Variants in NHSL1 observed in about 807,000 individuals in gnomAD.
NHSL1 encodes the protein NHS-like protein 1.
Under a neutral mutation model 95.0 loss-of-function variants are expected in NHSL1, and 48 were observed. That is an observed-to-expected ratio of 0.51 (90% confidence interval 0.40 to 0.64). The LOEUF (loss-of-function observed/expected upper bound fraction) is 0.64, where lower values mean the gene tolerates loss of function less well. Ranked by LOEUF, NHSL1 falls within the 30% of genes least tolerant of loss-of-function variation. The pLI, the probability that NHSL1 is intolerant of heterozygous loss-of-function variation, is 0.00. For synonymous variants in NHSL1, 783 were observed against 833.9 expected, an observed-to-expected ratio of 0.94 and a Z score of 1.05; for missense variants, 1,971 against 2,077.7, an observed-to-expected ratio of 0.95 and a Z score of 1.00.
intron 1 of NHSL1, chr6:138,691,820 G>GATGA: frequency 2.2e-6 from 1 of 445,634 alleles, no homozygotes; most frequent in South Asian, 1.6e-5. Flanking sequence ...GCCGGACAAA[G>GATGA]ATGAATGGGA....
At chr6:138,515,158 G>A (rs1781407192) in intron 1 of NHSL1, among the ~76,000 whole-genome samples, 1 of 152,038 alleles carries the variant, frequency 6.6e-6, no homozygotes, top group Admixed American at 6.6e-5. Flanking sequence ...CAAAACTTAT[G>A]TATTATTATT....
intron 1 of NHSL1, among the ~76,000 whole-genome samples, chr6:138,657,216 A>G (rs895940438): frequency 3.3e-5 from 5 of 152,178 alleles, no homozygotes; most frequent in African/African-American, 1.2e-4. Context: ...GCAGCTGCTC[A>G]ACAATGTCAT....
At position 138,482,902 on chromosome 6, in the gene NHSL1, T is replaced by A. The variant is rs76987748; in HGVS notation, c.212-9469A>T. Among the ~76,000 whole-genome samples the A allele has an allele frequency of 5.0e-4, 76 of 152,298 alleles. 1 individual carries two copies. In the East Asian group the frequency reaches 0.014, roughly 29 times the overall value. ...CAGGCCAATGTACAGAGCAGTGGCA[T>A]CCCAAATTAAGGTACATCAGAATCC... On this transcript the variant is annotated intron_variant, in intron 2 of 7. Transcript: ENST00000343505.
intron 1 of NHSL1, among the ~76,000 whole-genome samples, chr6:138,691,089 T>C (rs1785660395): frequency 6.6e-6 from 1 of 152,230 alleles, no homozygotes; most frequent in African/African-American, 2.4e-5. Context: ...TAGAAGCAAC[T>C]CGTGATTGCC....
chr6:138,576,178 G>C (rs1479770287), upstream of NHSL1, among the ~76,000 whole-genome samples: 3 of 152,132 alleles, frequency 2.0e-5, no homozygotes, highest in East Asian at 3.9e-4. Context: ...TTTTAGCAGA[G>C]ACAGGGTTTT....
chr6:138,505,012 G>C (rs747977334), intron 1 of NHSL1, among the ~76,000 whole-genome samples: 1 of 152,072 alleles, frequency 6.6e-6, no homozygotes, highest in East Asian at 1.9e-4. Context: ...TGATCTTAAA[G>C]TACACCCTCA....
At chr6:138,505,953 T>G (rs185222848) in intron 1 of NHSL1, among the ~76,000 whole-genome samples, 2 of 152,336 alleles carry the variant, frequency 1.3e-5, no homozygotes, top group Non-Finnish European at 2.9e-5. Context: ...TAAGGTAATT[T>G]AGATGTCATC....
chr6:138,514,219 G>A (rs1201947993), intron 1 of NHSL1, among the ~76,000 whole-genome samples: 7 of 152,160 alleles, frequency 4.6e-5, no homozygotes, highest in Non-Finnish European at 1.0e-4. Flanking sequence ...TCAGGAGGCT[G>A]AGGCAGAAGA....
intron 1 of NHSL1, among the ~76,000 whole-genome samples, chr6:138,534,200 G>A (rs148354684): frequency 6.6e-6 from 1 of 152,264 alleles, no homozygotes; most frequent in African/African-American, 2.4e-5. Flanking sequence ...GATGGTTAAA[G>A]TCTTTTTACC....
rs80196483 is a variant in NHSL1, at chr6:138,577,587, G to A, written c.97-81216C>T. Among the ~76,000 whole-genome samples the A allele has an allele frequency of 9.7e-4, 148 of 152,238 alleles. 2 individuals carry two copies. In the East Asian group the frequency reaches 0.021, roughly 22 times the overall value. ...GCACAGAAGAGGACTACTCTCAATG[G>A]TGTCACGTTCTGAAGTGGCCCTGCC... On this transcript the variant is annotated intron_variant, in intron 1 of 3. Coordinates refer to the NHSL1 transcript ENST00000491526.
At chr6:138,505,208 A>G (rs540596411) in intron 1 of NHSL1, among the ~76,000 whole-genome samples, 1 of 152,358 alleles carries the variant, frequency 6.6e-6, no homozygotes, top group East Asian at 1.9e-4. Flanking sequence ...TTTATTTGGA[A>G]TCCAAAAACT....
Position 138,430,243 on chromosome 6 carries a change from T to C in NHSL1, c.3952+150A>G, listed in dbSNP as rs555966985. 1 of 1,190,984 alleles carries C rather than the reference T, an allele frequency of 8.4e-7. No individual in the cohort carries two copies. The highest frequency in any genetic ancestry group is 2.8e-5 in the East Asian group (1 of 35,754). The allele number at this position is 1,190,984 out of a possible 1,614,324, so 73.8% of individuals were successfully genotyped here. On this transcript the variant is annotated intron_variant, in intron 6 of 7. Coordinates refer to ENST00000343505, the MANE Select transcript of NHSL1 (RefSeq NM_001144060.2). The surrounding 1 kb of genome is among the most constrained non-coding windows in gnomAD (Gnocchi z 4.7). ...TGCAAAGTTGGTAACTTAATCTGTG[T>C]TTTAACACAGGAAGCCTACATACTG... is the stretch of plus-strand genomic sequence containing the variant.
upstream of NHSL1, among the ~76,000 whole-genome samples, chr6:138,501,757 C>T (rs1256718804): frequency 1.3e-5 from 2 of 152,092 alleles, no homozygotes; most frequent in South Asian, 2.1e-4. Context: ...TCCAGGATGC[C>T]CCTTGGATAC....
At chr6:138,508,059 C>T (rs941513786) in intron 1 of NHSL1, among the ~76,000 whole-genome samples, 1 of 152,192 alleles carries the variant, frequency 6.6e-6, no homozygotes, top group African/African-American at 2.4e-5. Context: ...TTGCTGCCAT[C>T]GGCTTGGTCA....
chr6:138,602,771 C>A (rs989388031), intron 1 of NHSL1, among the ~76,000 whole-genome samples: 16 of 152,158 alleles, frequency 1.1e-4, no homozygotes, highest in African/African-American at 3.9e-4. Flanking sequence ...TAAAGAGAAT[C>A]CACTTGGAAC....
chr6:138,491,789 T>C (rs552199738), intron 2 of NHSL1, among the ~76,000 whole-genome samples: 13 of 152,322 alleles, frequency 8.5e-5, no homozygotes, highest in Non-Finnish European at 1.9e-4. Context: ...GTTTCCGATT[T>C]GGGTTTTTTT....
intron 1 of NHSL1, among the ~76,000 whole-genome samples, chr6:138,678,809 A>C (rs921039793): frequency 2.6e-5 from 4 of 152,200 alleles, no homozygotes; most frequent in Non-Finnish European, 5.9e-5. Context: ...GTATCCTATA[A>C]GTGTTAGCTA....
At chr6:138,457,217 A>AT (rs904438642) in intron 3 of NHSL1, among the ~76,000 whole-genome samples, 42 of 152,072 alleles carry the variant, frequency 2.8e-4, no homozygotes, top group Non-Finnish European at 7.4e-5. Flanking sequence ...TGCCAACAGT[A>AT]TTTTTTTCAA....
intron 1 of NHSL1, among the ~76,000 whole-genome samples, chr6:138,657,742 G>C (rs1785174970): frequency 6.7e-6 from 1 of 148,162 alleles, no homozygotes; most frequent in South Asian, 2.1e-4. Context: ...GTGAACCCGG[G>C]AGGCAGAGCT....
Sources: gnomAD v4.1 joint callset for allele counts (sites outside exome capture counted in the v4.1 genomes callset) on GRCh38, gnomAD v4.1.1 for gene constraint, Gnocchi (gnomAD v3.1) non-coding constraint, MANE v1.5 for transcripts, NCBI Gene and HGNC (gene_info 2026-07-23, HGNC 2026-07-21) for gene names.